Variants in TEX50 observed in about 807,000 individuals in gnomAD.
The protein encoded by TEX50 is testis-expressed protein 50.
In TEX50, 3 loss-of-function variants were observed where a neutral mutation model predicts 9.8. The observed-to-expected ratio is 0.31, with a 90% CI of 0.14 to 0.79. The LOEUF is 0.79. Among genes scored for constraint, TEX50 ranks in the 30% least tolerant of loss-of-function variants. The pLI is 0.63. For synonymous variants in TEX50, 61 were observed against 72.1 expected (o/e 0.85, Z 0.78); for missense variants, 164 against 199.3 (o/e 0.82, Z 1.07).
rs537082918 is a variant in TEX50 at position 173,635,739 on chromosome 1, A to G, written c.218A>G (p.Gln73Arg). ...GACTTTGCTAACATGGATATATTTC[A>G]GGGTTGTTTATATCTCATTTATAAT... ...CCDFANMDIF[Q>R]GCLYLIYNLL... The change falls in exon 1 of 2, where the codon CAG becomes CGG. Residue 73 changes from glutamine (Q) to arginine (R), a missense_variant. Gln to Arg is a conservative substitution (Grantham distance 43). This residue lies in a region of TEX50 where 135 missense variants were observed against 154.2 expected (regional missense o/e 0.88). Coordinates refer to ENST00000417563, the MANE Select transcript of TEX50 (RefSeq NM_001195190.3). 6 of 1,535,558 alleles carry G rather than the reference A, an allele frequency of 3.9e-6. No homozygotes were observed. The East Asian group carries it at 1.5e-4, about 38-fold the overall frequency.
intron 1 of TEX50, among the ~76,000 whole-genome samples, 176 bp from the exon 2 acceptor site, chr1:173,636,651 A>G (rs1246567987): frequency 6.6e-6 from 1 of 152,166 alleles, no homozygotes; most frequent in East Asian, 1.9e-4. Context: ...CTGCACTTAT[A>G]CCTTACTTCT....
chr1:173,635,972 T>C (rs1273417083), intron 1 of TEX50, 127 bp downstream of exon 1: 5 of 691,198 alleles, frequency 7.2e-6, no homozygotes, highest in Non-Finnish European at 1.2e-5. Flanking sequence ...AACTTCCCAT[T>C]CATTCCCAGC....
chr1:173,636,010 G>A (rs888462021), intron 1 of TEX50, among the ~76,000 whole-genome samples, 165 bp downstream of exon 1: 1 of 152,010 alleles, frequency 6.6e-6, no homozygotes, highest in Non-Finnish European at 1.5e-5. Context: ...GCTCATACTA[G>A]GTGTTCAACA....
chr1:173,636,839 G>T lies in TEX50; in HGVS notation c.337G>T (p.Ala113Ser). 1 of 1,535,278 alleles carries T rather than the reference G, an allele frequency of 6.5e-7. No individual in the cohort carries two copies. The highest frequency in any genetic ancestry group is 1.4e-5 in the African/African-American group (1 of 73,088). The change falls in exon 2 of 2, where the codon GCC (alanine) becomes TCC (serine). Residue 113 changes from alanine to serine, a missense_variant. Coordinates refer to ENST00000417563, the MANE Select transcript of TEX50 (RefSeq NM_001195190.3). ...TTTCTCCTTTTAGCTGAAAAAGCAA[G>T]CCTCCTTAGAAAAACCTGGTAATGA... Reference protein sequence around the residue: ...KKHQKKLKKQASLEKPGNDLE... With the variant: ...KKHQKKLKKQSSLEKPGNDLE...
At chr1:173,636,789 T>C (rs1668464163) in intron 1 of TEX50, 38 bp from the exon 2 acceptor site, 1 of 1,420,466 alleles carries the variant, frequency 7.0e-7, no homozygotes, top group Non-Finnish European at 9.6e-7. Flanking sequence ...CTCTACTGTT[T>C]TATGTAGATA....
Position 173,635,457 on chromosome 1 carries a change from T to G in TEX50, c.-65T>G. 2 of 1,082,870 alleles carry G rather than the reference T, an allele frequency of 1.8e-6. No individual in the cohort carries two copies. Among genetic ancestry groups the G allele is most frequent in the Non-Finnish European group, 2.6e-6 (2 of 775,854 alleles). The allele number at this position is 1,082,870 out of a possible 1,614,324, so 67.1% of individuals were successfully genotyped here. ...AATTTAGTTATTTTATTTTATTATT[T>G]AGCTAATTTAGCTATTTTAAAATAG... On this transcript the variant is annotated 5_prime_UTR_variant, in exon 1 of 2. Coordinates refer to ENST00000417563, the MANE Select transcript of TEX50 (RefSeq NM_001195190.3).
At position 173,635,856 on chromosome 1, in the gene TEX50, G is replaced by C. The variant is rs1668413162; in HGVS notation, c.324+11G>C. Reference sequence around the variant, plus strand: ...AAACACCAAAAAAAGGTGAATTCGTGATACAAGTAGTAATAGTTACAAAAT... The same window carrying C: ...AAACACCAAAAAAAGGTGAATTCGTCATACAAGTAGTAATAGTTACAAAAT... On this transcript the variant is annotated intron_variant, in intron 1 of 1. Coordinates refer to ENST00000417563, the MANE Select transcript of TEX50 (RefSeq NM_001195190.3). The C allele has an allele frequency of 6.7e-7, 1 of 1,501,674 alleles. No homozygotes were observed. The highest frequency in any genetic ancestry group is 8.9e-7 in the Non-Finnish European group (1 of 1,120,342). 93.0% of individuals were successfully genotyped at this position (1,501,674 alleles called of 1,614,324 possible).
At chr1:173,636,758 T>C in intron 1 of TEX50, 69 bp from the exon 2 acceptor site, 3 of 1,065,626 alleles carry the variant, frequency 2.8e-6, no homozygotes, top group Non-Finnish European at 4.0e-6. Flanking sequence ...ACTATATTAT[T>C]AACTATACTA....
intron 1 of TEX50, 121 bp from the exon 2 acceptor site, chr1:173,636,706 A>T: frequency 1.4e-6 from 1 of 731,012 alleles, no homozygotes; most frequent in Non-Finnish European, 2.2e-6. Flanking sequence ...GTGCTGTTTT[A>T]ATAAGGTTTG....
In TEX50 at chr1:173,635,396, A is replaced by G. The variant is rs1668383194; in HGVS notation, c.-126A>G. 1 of 755,002 alleles carries G rather than the reference A, an allele frequency of 1.3e-6. No individual in the cohort carries two copies. 46.8% of individuals were successfully genotyped at this position (755,002 alleles called of 1,614,324 possible). ...CTTTTATTGAAGCACCATTTTAACT[A>G]ATAGCTCCTGGTATTTTCTGCTTCC... On this transcript the variant is annotated 5_prime_UTR_variant, in exon 1 of 2. Transcript: ENST00000417563.
In TEX50 at chr1:173,636,830, A is replaced by G; in HGVS notation, c.328A>G (p.Lys110Glu). 1 of 1,534,860 alleles carries G rather than the reference A, an allele frequency of 6.5e-7. No homozygotes were observed. ...KKWKKHQKKL[K>E]KQASLEKPGN... ...TGTATTGTTTTTCTCCTTTTAGCTGAAAAAGCAAGCCTCCTTAGAAAAACC... is the reference window on the plus strand; with the variant it reads ...TGTATTGTTTTTCTCCTTTTAGCTGGAAAAGCAAGCCTCCTTAGAAAAACC... Residue 110 changes from lysine (K) to glutamate (E), a missense_variant, in exon 2 of 2, where the codon AAA (lysine) becomes GAA (glutamate). Transcript: ENST00000417563.
intron 1 of TEX50, among the ~76,000 whole-genome samples, chr1:173,636,524 G>T (rs990483535): frequency 6.6e-6 from 1 of 151,958 alleles, no homozygotes; most frequent in Non-Finnish European, 1.5e-5. Flanking sequence ...TTTCATAAAC[G>T]AATACATTTT....
intron 1 of TEX50, 49 bp downstream of exon 1, chr1:173,635,894 A>G (rs1668416258): frequency 7.6e-7 from 1 of 1,313,422 alleles, no homozygotes; most frequent in Non-Finnish European, 1.0e-6. Context: ...CTAAGGGTTT[A>G]GAACATAATA....
Position 173,637,116 on chromosome 1 carries a change from C to A in TEX50, c.*80C>A. 2 of 1,060,892 alleles carry A rather than the reference C, an allele frequency of 1.9e-6. No individual in the cohort carries two copies. The highest frequency in any genetic ancestry group is 2.7e-6 in the Non-Finnish European group (2 of 752,668). The allele number at this position is 1,060,892 out of a possible 1,614,324, so 65.7% of individuals were successfully genotyped here. A position where few individuals can be genotyped will look rare whatever the true frequency, so the allele number is the denominator to read the frequency against. ...TATCATCTAAGGATTAAAAATTGTTCTTTGGAAACCTTTATAAACTTTTTG... is the reference window on the plus strand; with the variant it reads ...TATCATCTAAGGATTAAAAATTGTTATTTGGAAACCTTTATAAACTTTTTG... On this transcript the variant is annotated 3_prime_UTR_variant, in exon 2 of 2. Transcript: ENST00000417563.
At chr1:173,636,769 T>C in intron 1 of TEX50, 58 bp from the exon 2 acceptor site, 18 of 1,179,144 alleles carry the variant, frequency 1.5e-5, no homozygotes, top group Non-Finnish European at 1.9e-5. Context: ...AACTATACTA[T>C]AGTATTGAAC....
chr1:173,636,458 A>C (rs189101400), intron 1 of TEX50, among the ~76,000 whole-genome samples: 1 of 152,148 alleles, frequency 6.6e-6, no homozygotes, highest in African/African-American at 2.4e-5. Flanking sequence ...GATATTTATA[A>C]ATGTTTTCTT....
Position 173,636,858 on chromosome 1 carries a change from G to C in TEX50, c.356G>C (p.Gly119Ala), listed in dbSNP as rs937758840. The change falls in exon 2 of 2, where the codon GGT becomes GCT. Residue 119 changes from glycine to alanine, a missense_variant. Gly to Ala is a moderately conservative substitution (Grantham distance 60). Coordinates refer to ENST00000417563, the MANE Select transcript of TEX50 (RefSeq NM_001195190.3). ...LKKQASLEKPGNDLESPLINN... is the reference protein window; with the variant it reads ...LKKQASLEKPANDLESPLINN... ...AAGCAAGCCTCCTTAGAAAAACCTG[G>C]TAATGATCTAGAAAGCCCATTGATC... 1 of 1,535,614 alleles carries C rather than the reference G, an allele frequency of 6.5e-7. No individual in the cohort carries two copies. The highest frequency in any genetic ancestry group is 2.4e-5 in the East Asian group (1 of 40,874).
In TEX50 at chr1:173,635,653, T is replaced by C; in HGVS notation, c.132T>C (p.Tyr44=). 1 of 1,535,724 alleles carries C rather than the reference T, an allele frequency of 6.5e-7. No individual in the cohort carries two copies. Among genetic ancestry groups the C allele is most frequent in the Non-Finnish European group, 8.7e-7 (1 of 1,146,604 alleles). ...AGATTCTTCCAGAAGAAGTACATTA[T>C]TGGAAAGTTAAGGGTTCTCCATCTC... ...GWEILPEEVH[Y]WKVKGSPSHC... Residue 44 remains tyrosine (Y), a synonymous_variant, in exon 1 of 2, where the codon TAT becomes TAC. Coordinates refer to ENST00000417563, the MANE Select transcript of TEX50 (RefSeq NM_001195190.3).
Position 173,635,856 on chromosome 1 carries a change from G to T in TEX50, c.324+11G>T, listed in dbSNP as rs1668413162. The T allele has an allele frequency of 3.3e-6, 5 of 1,501,792 alleles. No homozygotes were observed. The highest frequency in any genetic ancestry group is 1.2e-5 in the South Asian group (1 of 81,912). 93.0% of individuals were successfully genotyped at this position (1,501,792 alleles called of 1,614,324 possible). A position where few individuals can be genotyped will look rare whatever the true frequency, so the allele number is the denominator to read the frequency against. ...AAACACCAAAAAAAGGTGAATTCGT[G>T]ATACAAGTAGTAATAGTTACAAAAT... On this transcript the variant is annotated intron_variant, in intron 1 of 1. Transcript: ENST00000417563.
Sources: allele counts gnomAD v4.1 joint callset (sites outside exome capture counted in the v4.1 genomes callset), GRCh38; gene constraint gnomAD v4.1.1; regional missense constraint gnomAD v4.1.1; transcripts MANE v1.5; gene names NCBI Gene and HGNC (gene_info 2026-07-23, HGNC 2026-07-21).